The following PRKAR2B variants were observed in gnomAD, a reference collection of about 807,000 sequenced individuals.
PRKAR2B encodes the protein protein kinase cAMP-dependent type II regulatory subunit beta.
In PRKAR2B, 14 loss-of-function variants were observed where a neutral mutation model predicts 49.9. That is an observed-to-expected ratio of 0.28 (90% CI 0.19 to 0.44). PRKAR2B has a LOEUF of 0.44. Among genes scored for constraint, PRKAR2B ranks in the 20% least tolerant of loss-of-function variants. PRKAR2B has a pLI of 1.00. For missense variants in PRKAR2B, 393 were observed against 537.9 expected (o/e 0.73, Z 2.67); for synonymous variants, 196 against 197.7 (o/e 0.99, Z 0.07).
chr7:107,071,334 A>T lies in PRKAR2B; in HGVS notation c.343+1018A>T, dbSNP rs147152583. Among the ~76,000 whole-genome samples the T allele has an allele frequency of 4.4e-3, 669 of 152,328 alleles. 5 individuals are homozygous for T. The highest frequency in any genetic ancestry group is 0.014 in the African/African-American group (595 of 41,572). ...TTTTATTTTTGATTTGTCAGCAGTT[A>T]CTGGTATAATTTACTCTTGTTATGT... On this transcript the variant is annotated intron_variant, in intron 2 of 10. Coordinates refer to ENST00000265717, the MANE Select transcript of PRKAR2B (RefSeq NM_002736.3).
At chr7:107,133,322 C>G (rs1795635588) in intron 4 of PRKAR2B, among the ~76,000 whole-genome samples, 1 of 152,116 alleles carries the variant, frequency 6.6e-6, no homozygotes, top group Non-Finnish European at 1.5e-5. Flanking sequence ...CAGCTAATTC[C>G]AACATCACAA....
At chr7:107,067,659 G>A (rs1304204187) in intron 1 of PRKAR2B, among the ~76,000 whole-genome samples, 1 of 152,200 alleles carries the variant, frequency 6.6e-6, no homozygotes, top group Non-Finnish European at 1.5e-5. Flanking sequence ...CCACCTAGAT[G>A]TGGAGGCTCT....
intron 2 of PRKAR2B, among the ~76,000 whole-genome samples, chr7:107,104,821 T>C (rs1366229330): frequency 6.6e-6 from 1 of 152,192 alleles, no homozygotes; most frequent in Non-Finnish European, 1.5e-5. Flanking sequence ...TTAAGTCTAA[T>C]ACCACGAATC....
intron 4 of PRKAR2B, among the ~76,000 whole-genome samples, chr7:107,130,357 C>G (rs942847841): frequency 1.3e-5 from 2 of 151,710 alleles, no homozygotes; most frequent in Non-Finnish European, 2.9e-5. Flanking sequence ...AAAAAGTTAG[C>G]CGGGCGTGGT....
intron 1 of PRKAR2B, among the ~76,000 whole-genome samples, chr7:107,058,440 G>GT (rs1168919484): frequency 6.6e-6 from 1 of 152,160 alleles, no homozygotes; most frequent in Non-Finnish European, 1.5e-5. Context: ...TCTTACATTA[G>GT]TATGTGTTTT....
At position 107,109,146 on chromosome 7, in the gene PRKAR2B, C is replaced by A. The variant is rs188204636; in HGVS notation, c.344-12806C>A. ...AACCTCCAGGTCATTGCTGTGGCAT[C>A]ATTTGTAAACTGTTGTGGTGCTGGT... On this transcript the variant is annotated intron_variant, in intron 2 of 10. Coordinates refer to ENST00000265717, the MANE Select transcript of PRKAR2B (RefSeq NM_002736.3). Among the ~76,000 whole-genome samples, 512 of 152,336 alleles carry A rather than the reference C, an allele frequency of 3.4e-3. 1 individual carries two copies. Among genetic ancestry groups the A allele is most frequent in the Non-Finnish European group, 5.6e-3 (383 of 68,028 alleles).
chr7:107,116,311 T>TA (rs1795271665), intron 2 of PRKAR2B, among the ~76,000 whole-genome samples: 1 of 152,204 alleles, frequency 6.6e-6, no homozygotes, highest in Non-Finnish European at 1.5e-5. Context: ...GTGAAGCCTT[T>TA]CCCTGCCCTC....
chr7:107,127,602 CAT>C (rs1445149081), intron 3 of PRKAR2B, among the ~76,000 whole-genome samples: 4 of 152,360 alleles, frequency 2.6e-5, no homozygotes, highest in African/African-American at 7.2e-5. Context: ...CCCTGGAACA[CAT>C]ATTCTCTTGG....
chr7:107,080,827 G>A (rs994569502), intron 2 of PRKAR2B, among the ~76,000 whole-genome samples: 2 of 152,116 alleles, frequency 1.3e-5, no homozygotes, highest in African/African-American at 4.8e-5. Flanking sequence ...TATTCAATGA[G>A]GGCCTACAAT....
At chr7:107,133,399 A>G (rs1364523636) in intron 4 of PRKAR2B, among the ~76,000 whole-genome samples, 5 of 152,222 alleles carry the variant, frequency 3.3e-5, no homozygotes, top group African/African-American at 4.8e-5. Context: ...GAACTAATCA[A>G]TAAAGCTGAT....
At chr7:107,053,100 G>A (rs1003735701) in intron 1 of PRKAR2B, among the ~76,000 whole-genome samples, 19 of 152,058 alleles carry the variant, frequency 1.2e-4, no homozygotes, top group African/African-American at 4.1e-4. Context: ...CAAAATACTG[G>A]GATTATAGGC....
At chr7:107,152,520 G>GT (rs1293849549) in intron 7 of PRKAR2B, among the ~76,000 whole-genome samples, 1 of 152,114 alleles carries the variant, frequency 6.6e-6, no homozygotes, top group Non-Finnish European at 1.5e-5. Flanking sequence ...GTAGGTTGTT[G>GT]TTACCCTAAA....
At chr7:107,136,903 C>T (rs1795710852) in intron 4 of PRKAR2B, among the ~76,000 whole-genome samples, 1 of 152,186 alleles carries the variant, frequency 6.6e-6, no homozygotes, top group South Asian at 2.1e-4. Context: ...AACTTGGAAG[C>T]AACCAAGATG....
At chr7:107,140,198 A>G (rs1415198772) in intron 4 of PRKAR2B, among the ~76,000 whole-genome samples, 2 of 152,206 alleles carry the variant, frequency 1.3e-5, no homozygotes, top group Non-Finnish European at 2.9e-5. Flanking sequence ...AAAATTTTAC[A>G]TAGTTTAATT....
intron 2 of PRKAR2B, among the ~76,000 whole-genome samples, chr7:107,100,873 G>GT (rs927026202): frequency 6.7e-6 from 1 of 148,390 alleles, no homozygotes; most frequent in Non-Finnish European, 1.5e-5. Flanking sequence ...TTATTGAGTC[G>GT]TTTTTACTCT....
At chr7:107,120,157 C>T (rs2237654) in intron 2 of PRKAR2B, among the ~76,000 whole-genome samples, 59,745 of 151,982 alleles carry the variant, frequency 0.39, 14,417 homozygotes, top group Non-Finnish European at 0.51. Context: ...CAGGGTTTCT[C>T]AGCCTCGGTA....
intron 1 of PRKAR2B, among the ~76,000 whole-genome samples, chr7:107,066,301 G>GGGGGGGGT (rs147673007): frequency 2.2e-4 from 32 of 145,594 alleles, no homozygotes; most frequent in Non-Finnish European, 3.8e-4. Context: ...CTCTATGTGG[G>GGGGGGGGT]GTGTGTGTGT....
chr7:107,058,674 A>G (rs1157325605), intron 1 of PRKAR2B, among the ~76,000 whole-genome samples: 1 of 152,208 alleles, frequency 6.6e-6, no homozygotes, highest in Non-Finnish European at 1.5e-5. Flanking sequence ...GTAATTCCTT[A>G]AATGGAATCC....
In PRKAR2B at chr7:107,044,885, G is replaced by A; in HGVS notation, c.-23G>A. The A allele has an allele frequency of 6.4e-7, 1 of 1,571,106 alleles. No homozygotes were observed. Among genetic ancestry groups the A allele is most frequent in the Non-Finnish European group, 8.6e-7 (1 of 1,163,082 alleles). On this transcript the variant is annotated 5_prime_UTR_variant, in exon 1 of 11. Coordinates refer to ENST00000265717, the MANE Select transcript of PRKAR2B (RefSeq NM_002736.3). ...GGGAGGGGGCGAGGGCGGCGCCCAGGCGCCTGCCGCCCCGGAGGCAGGATG... is the reference window on the plus strand; with the variant it reads ...GGGAGGGGGCGAGGGCGGCGCCCAGACGCCTGCCGCCCCGGAGGCAGGATG...
Sources: gnomAD v4.1 joint callset for allele counts (sites outside exome capture counted in the v4.1 genomes callset) on GRCh38, gnomAD v4.1.1 for gene constraint, MANE v1.5 for transcripts, NCBI Gene and HGNC (gene_info 2026-07-23, HGNC 2026-07-21) for gene names.